Variants in EBLN1 observed in about 807,000 individuals in gnomAD.
The protein encoded by EBLN1 is endogenous Bornavirus like nucleoprotein 1.
EBLN1 carries 1 observed loss-of-function variant against 0.8 expected under a neutral mutation model. The ratio of observed to expected loss-of-function variants is 1.32; its 90% CI spans 0.47 to 6.26. EBLN1 has a LOEUF of 6.26. Ranked by LOEUF, EBLN1 falls within the 30% of genes most tolerant of loss-of-function variation. The pLI is 0.15. For synonymous variants in EBLN1, 158 were observed against 158.5 expected (o/e 1.00, Z 0.02); for missense variants, 396 against 447.9 (o/e 0.88, Z 1.05).
rs147350056 is a variant in EBLN1, at chr10:22,215,000, T to C, written c.-168-2035A>G. Among the ~76,000 whole-genome samples, 3 of 152,328 alleles carry C rather than the reference T, an allele frequency of 2.0e-5. No individual in the cohort carries two copies. In the East Asian group the frequency reaches 5.8e-4, roughly 29 times the overall value. ...TCTCAAGCTACAACATGGTTGCCTC[T>C]TGAAAACTTACGCTATGTGAAAGAA... is the stretch of plus-strand genomic sequence containing the variant. On this transcript the variant is annotated intron_variant, in intron 1 of 2. Transcript: ENST00000422359.
At chr10:22,210,058 A>C in intron 2 of EBLN1, 31 bp from the exon 3 acceptor site, 1 of 1,265,512 alleles carries the variant, frequency 7.9e-7, no homozygotes, top group Non-Finnish European at 1.0e-6. Flanking sequence ...GCAATACAAC[A>C]AAATATTTTT....
At chr10:22,211,121 G>A (rs775083116) in intron 2 of EBLN1, among the ~76,000 whole-genome samples, 1 of 152,054 alleles carries the variant, frequency 6.6e-6, no homozygotes, top group Non-Finnish European at 1.5e-5. Flanking sequence ...AACATTACAT[G>A]GTCATTCATT....
Position 22,209,028 on chromosome 10 carries a change from A to G in EBLN1, c.956T>C (p.Phe319Ser), listed in dbSNP as rs1392138103. ...TCCTGGTATAATGTCAAGGGCTTCAAATCCAGAAAATGTGGAATTCCTTCT... is the reference window on the plus strand; with the variant it reads ...TCCTGGTATAATGTCAAGGGCTTCAGATCCAGAAAATGTGGAATTCCTTCT... ...AKRRNSTFSG[F>S]EALDIIPGST... is the part of the protein sequence containing the mutation. The change falls in exon 3 of 3, where the codon TTT becomes TCT. Residue 319 changes from phenylalanine (F) to serine (S), a missense_variant. Coordinates refer to ENST00000422359, the MANE Select transcript of EBLN1 (RefSeq NM_001394757.1). The G allele has an allele frequency of 1.8e-5, 27 of 1,536,084 alleles. No homozygotes were observed. Among genetic ancestry groups the G allele is most frequent in the Non-Finnish European group, 2.4e-5 (27 of 1,146,922 alleles).
At chr10:22,215,362 A>G (rs917503288) in intron 1 of EBLN1, among the ~76,000 whole-genome samples, 2 of 152,204 alleles carry the variant, frequency 1.3e-5, no homozygotes, top group African/African-American at 4.8e-5. Context: ...ATATCACTGT[A>G]CATTATAAAT....
chr10:22,216,041 T>A (rs1834789781), intron 1 of EBLN1, among the ~76,000 whole-genome samples: 1 of 152,162 alleles, frequency 6.6e-6, no homozygotes, highest in South Asian at 2.1e-4. Context: ...TTTCATAACA[T>A]CTAAGAAAAA....
At chr10:22,212,137 A>C (rs1017609243) in intron 2 of EBLN1, among the ~76,000 whole-genome samples, 1 of 152,216 alleles carries the variant, frequency 6.6e-6, no homozygotes, top group Non-Finnish European at 1.5e-5. Context: ...AATGTACTGC[A>C]TATCTCTAAA....
chr10:22,210,052 T>C, intron 2 of EBLN1, 25 bp from the exon 3 acceptor site: 1 of 1,270,206 alleles, frequency 7.9e-7, no homozygotes, highest in African/African-American at 1.5e-5. Flanking sequence ...AGAATGGCAA[T>C]ACAACAAAAT....
intron 1 of EBLN1, among the ~76,000 whole-genome samples, chr10:22,217,511 C>G (rs1445038658): frequency 2.0e-5 from 3 of 152,196 alleles, no homozygotes; most frequent in African/African-American, 7.2e-5. Context: ...ATATCCTGCA[C>G]ACCATACATT....
intron 2 of EBLN1, among the ~76,000 whole-genome samples, chr10:22,212,035 A>C (rs949080119): frequency 2.0e-5 from 3 of 152,220 alleles, no homozygotes; most frequent in African/African-American, 7.2e-5. Flanking sequence ...TTCGGTTACT[A>C]AAACCAAAGG....
intron 2 of EBLN1, among the ~76,000 whole-genome samples, chr10:22,211,713 G>A (rs545832767): frequency 1.3e-5 from 2 of 151,860 alleles, no homozygotes; most frequent in Admixed American, 6.6e-5. Context: ...GGATGGTCTC[G>A]AACTCCTGAC....
Position 22,209,726 on chromosome 10 carries a change from G to C in EBLN1, c.258C>G (p.Phe86Leu). The C allele has an allele frequency of 1.3e-6, 2 of 1,535,704 alleles. No individual in the cohort carries two copies. The highest frequency in any genetic ancestry group is 1.7e-6 in the Non-Finnish European group (2 of 1,146,880). Residue 86 changes from phenylalanine (F) to leucine (L), a missense_variant, in exon 3 of 3, where the codon TTC becomes TTG. Transcript: ENST00000422359. ...TPSLVFLCFI[F>L]DGLHKALLSV... ...TGAGTAGTGCCTTGTGTAATCCATC[G>C]AATATAAAACACAAAAATACTAAGC...
intron 1 of EBLN1, among the ~76,000 whole-genome samples, chr10:22,214,877 A>G (rs987083821): frequency 1.1e-4 from 17 of 152,228 alleles, no homozygotes; most frequent in African/African-American, 3.9e-4. Flanking sequence ...GTCAAAAAGT[A>G]GAAACAACTC....
Position 22,209,836 on chromosome 10 carries a change from T to C in EBLN1, c.148A>G (p.Ile50Val), listed in dbSNP as rs1251849264. 1 of 1,530,968 alleles carries C rather than the reference T, an allele frequency of 6.5e-7. No individual in the cohort carries two copies. 94.8% of individuals were successfully genotyped at this position (1,530,968 alleles called of 1,614,324 possible). A position where few individuals can be genotyped will look rare whatever the true frequency, so the allele number is the denominator to read the frequency against. Reference protein sequence around the residue: ...PADALEPQPGIGDVKVIEKAT... With the variant: ...PADALEPQPGVGDVKVIEKAT... Reference sequence around the variant, plus strand: ...TTTTCAATGACCTTAACATCTCCAATACCAGGTTGGGGCTCCAATGCATCT... The same window carrying C: ...TTTTCAATGACCTTAACATCTCCAACACCAGGTTGGGGCTCCAATGCATCT... Residue 50 changes from isoleucine to valine, a missense_variant, in exon 3 of 3, where the codon ATT becomes GTT. Transcript: ENST00000422359.
intron 1 of EBLN1, among the ~76,000 whole-genome samples, chr10:22,215,952 T>C (rs11012892): frequency 0.089 from 13,612 of 152,212 alleles, 1,490 homozygotes; most frequent in African/African-American, 0.26. Context: ...ATTGTATGCA[T>C]AATACTGTTA....
intron 1 of EBLN1, among the ~76,000 whole-genome samples, chr10:22,215,625 T>C (rs1834786917): frequency 6.6e-6 from 1 of 152,202 alleles, no homozygotes; most frequent in Admixed American, 6.5e-5. Context: ...ACCACCTTTT[T>C]TGAAGGCAGT....
intron 2 of EBLN1, among the ~76,000 whole-genome samples, chr10:22,212,398 C>T (rs1343025543): frequency 6.6e-6 from 1 of 152,000 alleles, no homozygotes; most frequent in Non-Finnish European, 1.5e-5. Flanking sequence ...TTATAAAATG[C>T]CGTAGCAGTA....
intron 1 of EBLN1, among the ~76,000 whole-genome samples, chr10:22,217,603 C>T (rs1455826909): frequency 2.0e-5 from 3 of 152,012 alleles, no homozygotes; most frequent in Non-Finnish European, 4.4e-5. Flanking sequence ...AAAATGGAAA[C>T]AAAACTTAAT....
chr10:22,208,725 G>T lies in EBLN1; in HGVS notation c.*158C>A. The T allele has an allele frequency of 1.2e-6, 1 of 826,260 alleles. No individual in the cohort carries two copies. The highest frequency in any genetic ancestry group is 1.7e-6 in the Non-Finnish European group (1 of 581,318). The allele number at this position is 826,260 out of a possible 1,614,324, so 51.2% of individuals were successfully genotyped here. A position where few individuals can be genotyped will look rare whatever the true frequency, so the allele number is the denominator to read the frequency against. On this transcript the variant is annotated 3_prime_UTR_variant, in exon 3 of 3. Coordinates refer to ENST00000422359, the MANE Select transcript of EBLN1 (RefSeq NM_001394757.1). ...TTCAGTGGCCAGAGAATATTGGATG[G>T]ACTCTTTTAAAGAATAAAAGATTAT...
intron 2 of EBLN1, among the ~76,000 whole-genome samples, chr10:22,210,320 CTTAAAT>C (rs1010161332): frequency 7.2e-5 from 11 of 151,994 alleles, no homozygotes; most frequent in African/African-American, 2.7e-4. Context: ...TTAAGGTTTC[CTTAAAT>C]TTAAACTCAA....
Sources: gnomAD v4.1 joint callset for allele counts (sites outside exome capture counted in the v4.1 genomes callset) on GRCh38, gnomAD v4.1.1 for gene constraint, MANE v1.5 for transcripts, NCBI Gene and HGNC (gene_info 2026-07-23, HGNC 2026-07-21) for gene names.